ARHGAP23: variants seen among roughly 807,000 people sequenced by gnomAD.
ARHGAP23 encodes rho GTPase-activating protein 23.
In ARHGAP23, 34 loss-of-function variants were observed where a neutral mutation model predicts 136.3. The observed-to-expected ratio is 0.25, with a 90% CI of 0.19 to 0.33. The LOEUF (loss-of-function observed/expected upper bound fraction) is 0.33, where lower values mean the gene tolerates loss of function less well. Among genes scored for constraint, ARHGAP23 ranks in the 10% least tolerant of loss-of-function variants. The pLI, the probability that ARHGAP23 is intolerant of heterozygous loss-of-function variation, is 1.00. For synonymous variants in ARHGAP23, 832 were observed against 920.5 expected (o/e 0.90, Z 1.74); for missense variants, 1,808 against 2,139.0 (o/e 0.85, Z 3.05).
rs186678328 is a variant in ARHGAP23, at chr17:38,502,730, G to A, written c.3447+2102G>A. Among the ~76,000 whole-genome samples, 38 of 152,300 alleles carry A rather than the reference G, an allele frequency of 2.5e-4. No individual in the cohort carries two copies. The East Asian group carries it at 6.2e-3, about 25-fold the overall frequency. On this transcript the variant is annotated intron_variant, in intron 23 of 23. Coordinates refer to ENST00000622683, the MANE Select transcript of ARHGAP23 (RefSeq NM_001199417.2). ...CAGAACAAAAATGGAAAAATATGTG[G>A]CTTGAGGGAAACTTTCATTAAAAGA...
chr17:38,429,037 G>A (rs1278003803), intron 1 of ARHGAP23, among the ~76,000 whole-genome samples: 1 of 152,152 alleles, frequency 6.6e-6, no homozygotes, highest in African/African-American at 2.4e-5. Flanking sequence ...CCCCCTCCCC[G>A]CGCCACACTC....
chr17:38,466,258 G>T lies in ARHGAP23; in HGVS notation c.575G>T (p.Arg192Leu). ...IPEPPPICYP[R>L]KTYAPPARAS... ...GAGCCACCCCCGATCTGCTACCCCC[G>T]CAAGACCTACGCCCCTCCTGCCCGG... Residue 192 changes from arginine (R) to leucine (L), a missense_variant, in exon 7 of 24, where the codon CGC (arginine) becomes CTC (leucine). This residue lies in a region of ARHGAP23 where 859 missense variants were observed against 936.4 expected (regional missense o/e 0.92). Coordinates refer to ENST00000622683, the MANE Select transcript of ARHGAP23 (RefSeq NM_001199417.2). 2 of 1,548,508 alleles carry T rather than the reference G, an allele frequency of 1.3e-6. No homozygotes were observed. Among genetic ancestry groups the T allele is most frequent in the Non-Finnish European group, 8.7e-7 (1 of 1,146,390 alleles).
Position 38,482,026 on chromosome 17 carries a change from C to T in ARHGAP23, c.2634C>T (p.Asp878=), listed in dbSNP as rs1250221472. Residue 878 remains aspartate, a synonymous_variant, in exon 15 of 24, where the codon GAC becomes GAT. Coordinates refer to ENST00000622683, the MANE Select transcript of ARHGAP23 (RefSeq NM_001199417.2). ...TQDLPAGSKD[D]SAAAPKTPWG... Reference sequence around the variant, plus strand: ...GCTCTGTCTCCCCCACTTCAGATGACAGTGCTGCAGCCCCCAAAACCCCCT... The same window carrying T: ...GCTCTGTCTCCCCCACTTCAGATGATAGTGCTGCAGCCCCCAAAACCCCCT... 22 of 1,533,164 alleles carry T rather than the reference C, an allele frequency of 1.4e-5. No homozygotes were observed. The highest frequency in any genetic ancestry group is 1.8e-5 in the Non-Finnish European group (20 of 1,140,828). 95.0% of individuals were successfully genotyped at this position (1,533,164 alleles called of 1,614,324 possible).
In ARHGAP23 at chr17:38,447,439, A is replaced by G. The variant is rs1403820623; in HGVS notation, c.64-10663A>G. Among the ~76,000 whole-genome samples, 143 of 133,010 alleles carry G rather than the reference A, an allele frequency of 1.1e-3. 1 individual carries two copies. Among genetic ancestry groups the G allele is most frequent in the African/African-American group, 4.0e-3 (133 of 33,098 alleles). The allele number at this position is 133,010 out of a possible 152,430, so 87.3% of individuals were successfully genotyped here. A position where few individuals can be genotyped will look rare whatever the true frequency, so the allele number is the denominator to read the frequency against. ...CCTGGGCAACAGAGACTCCGTCTGAAAAAAAAAAAAAAAAAAAAAAAAAAA... is the reference window on the plus strand; with the variant it reads ...CCTGGGCAACAGAGACTCCGTCTGAGAAAAAAAAAAAAAAAAAAAAAAAAA... On this transcript the variant is annotated intron_variant, in intron 1 of 23. Transcript: ENST00000622683.
chr17:38,511,944 A>G lies in ARHGAP23; in HGVS notation c.*972A>G, dbSNP rs982061430. 1 of 152,118 alleles carries G rather than the reference A, an allele frequency of 6.6e-6. No individual in the cohort carries two copies. The highest frequency in any genetic ancestry group is 2.4e-5 in the African/African-American group (1 of 41,378). 9.4% of individuals were successfully genotyped at this position (152,118 alleles called of 1,614,324 possible). A position where few individuals can be genotyped will look rare whatever the true frequency, so the allele number is the denominator to read the frequency against. ...GTCTGAGCTGGGCTGTTCCTGCAGG[A>G]TGGACAGGACCCAGCGCCCTCTTCT... On this transcript the variant is annotated 3_prime_UTR_variant, in exon 24 of 24. Transcript: ENST00000622683.
chr17:38,482,768 C>G, intron 16 of ARHGAP23, 90 bp downstream of exon 16: 1 of 1,353,886 alleles, frequency 7.4e-7, no homozygotes, highest in Non-Finnish European at 1.0e-6. Flanking sequence ...TATTGTGTTG[C>G]ATGCATTGTG....
At chr17:38,504,616 G>A (rs868041110) in intron 23 of ARHGAP23, among the ~76,000 whole-genome samples, 2 of 152,212 alleles carry the variant, frequency 1.3e-5, no homozygotes, top group Non-Finnish European at 2.9e-5. Flanking sequence ...CCACCAACAG[G>A]TGTATGACAG....
In ARHGAP23 at chr17:38,489,900, C is replaced by T. The variant is rs1309455779; in HGVS notation, c.2987-202C>T. Reference sequence around the variant, plus strand: ...GCTGGGCTACCCCAGGTCAGGTGCACACCCGAGTGTAGCTGTGGTGAGTGC... The same window carrying T: ...GCTGGGCTACCCCAGGTCAGGTGCATACCCGAGTGTAGCTGTGGTGAGTGC... On this transcript the variant is annotated intron_variant, in intron 17 of 23. Transcript: ENST00000622683. 1.3e-5 allele frequency: 8 copies of T among 596,182 alleles called. No homozygotes were observed. The East Asian group carries it at 1.4e-4, about 11-fold the overall frequency. 36.9% of individuals were successfully genotyped at this position (596,182 alleles called of 1,614,324 possible). A position where few individuals can be genotyped will look rare whatever the true frequency, so the allele number is the denominator to read the frequency against.
At chr17:38,507,764 C>T (rs892090543) in intron 23 of ARHGAP23, among the ~76,000 whole-genome samples, 1 of 152,204 alleles carries the variant, frequency 6.6e-6, no homozygotes, top group African/African-American at 2.4e-5. Context: ...GCATTGTGGG[C>T]AACCATGGCC....
chr17:38,463,487 T>C (rs1265520334), intron 6 of ARHGAP23, 105 bp downstream of exon 6: 3 of 1,362,684 alleles, frequency 2.2e-6, no homozygotes, highest in Non-Finnish European at 3.0e-6. Context: ...CAGGCCGACA[T>C]TGCCCAGTTG....
chr17:38,479,964 G>T, intron 14 of ARHGAP23, 81 bp downstream of exon 14: 3 of 1,514,776 alleles, frequency 2.0e-6, no homozygotes, highest in Non-Finnish European at 2.7e-6. Flanking sequence ...TGTGTGTTGG[G>T]CTGTGTCTGC....
intron 16 of ARHGAP23, 147 bp downstream of exon 16, chr17:38,482,825 A>G: frequency 9.5e-7 from 1 of 1,052,276 alleles, no homozygotes; most frequent in South Asian, 1.8e-5. Flanking sequence ...GATGGGCAAG[A>G]TGGGACCTGC....
At chr17:38,487,490 A>C (rs1020583524) in intron 17 of ARHGAP23, among the ~76,000 whole-genome samples, 3 of 152,192 alleles carry the variant, frequency 2.0e-5, no homozygotes, top group African/African-American at 7.2e-5. Context: ...CACTCTGAGA[A>C]AGAGGCCCTG....
At chr17:38,470,382 C>T (rs2039721812) in intron 10 of ARHGAP23, among the ~76,000 whole-genome samples, 1 of 152,230 alleles carries the variant, frequency 6.6e-6, no homozygotes, top group Non-Finnish European at 1.5e-5. Context: ...TCCTTCACTA[C>T]CCTCAGTCAG....
intron 1 of ARHGAP23, among the ~76,000 whole-genome samples, chr17:38,452,163 C>T (rs566553749): frequency 2.0e-5 from 3 of 152,072 alleles, no homozygotes; most frequent in Non-Finnish European, 2.9e-5. Context: ...TTCCCCCTCC[C>T]CTCCCACCTC....
intron 2 of ARHGAP23, among the ~76,000 whole-genome samples, chr17:38,459,766 A>G (rs2039415618): frequency 6.6e-6 from 1 of 152,220 alleles, no homozygotes; most frequent in South Asian, 2.1e-4. Flanking sequence ...GCCACCTGGC[A>G]GCCTGCAGGG....
chr17:38,479,620 TC>T, intron 13 of ARHGAP23, 123 bp downstream of exon 13: 1 of 1,419,974 alleles, frequency 7.0e-7, no homozygotes, highest in Non-Finnish European at 9.6e-7. Flanking sequence ...ATCCAGGGTC[TC>T]CAGGCTGCAG....
In ARHGAP23 at chr17:38,469,605, A is replaced by C; in HGVS notation, c.1886A>C (p.Asn629Thr). ...ERSKSCDDGL[N>T]TFRDEGRVLR... ...TCCAAGTCCTGCGATGATGGACTCAACACCTTCCGCGACGAGGGCCGGGTT... is the reference window on the plus strand; with the variant it reads ...TCCAAGTCCTGCGATGATGGACTCACCACCTTCCGCGACGAGGGCCGGGTT... Residue 629 changes from asparagine to threonine, a missense_variant, in exon 9 of 24, where the codon AAC becomes ACC. Physicochemically the swap from Asn to Thr is moderately conservative, Grantham distance 65 (BLOSUM62 0). Transcript: ENST00000622683. 1.3e-6 allele frequency: 2 copies of C among 1,548,718 alleles called. No homozygotes were observed. The highest frequency in any genetic ancestry group is 8.7e-7 in the Non-Finnish European group (1 of 1,146,708).
chr17:38,474,157 G>A (rs2039833642), intron 11 of ARHGAP23, among the ~76,000 whole-genome samples: 2 of 152,292 alleles, frequency 1.3e-5, no homozygotes, highest in African/African-American at 4.8e-5. Context: ...CTGACCTCAA[G>A]TGAGCTGCCT....
Sources: gnomAD v4.1 joint callset for allele counts (sites outside exome capture counted in the v4.1 genomes callset) on GRCh38, gnomAD v4.1.1 for gene constraint, gnomAD v4.1.1 regional missense constraint, MANE v1.5 for transcripts, NCBI Gene and HGNC (gene_info 2026-07-23, HGNC 2026-07-21) for gene names.